WWOX: variants seen among roughly 807,000 people sequenced by gnomAD.
WWOX encodes WW domain containing oxidoreductase.
In WWOX, 69 loss-of-function variants were observed where a neutral mutation model predicts 46.2. The ratio of observed to expected loss-of-function variants is 1.49; its 90% CI spans 1.23 to 1.82. WWOX has a LOEUF of 1.82. WWOX is among the 40% of genes most tolerant of loss of function. The pLI is 0.00. For missense variants in WWOX, 919 were observed against 542.6 expected (o/e 1.69, Z -6.89); for synonymous variants, 359 against 202.6 (o/e 1.77, Z -6.56).
intron 8 of WWOX, among the ~76,000 whole-genome samples, chr16:78,669,703 T>C (rs1041744733): frequency 6.6e-6 from 1 of 152,184 alleles, no homozygotes; most frequent in South Asian, 2.1e-4. Context: ...TAAAAACTAG[T>C]TACAGTTCAT....
intron 8 of WWOX, among the ~76,000 whole-genome samples, chr16:78,623,751 A>G (rs902400664): frequency 1.4e-5 from 2 of 144,338 alleles, no homozygotes; most frequent in African/African-American, 2.6e-5. Flanking sequence ...AAAAAAAAAA[A>G]GTGTACTTTT....
intron 8 of WWOX, among the ~76,000 whole-genome samples, chr16:79,145,730 G>A (rs2050172073): frequency 6.6e-6 from 1 of 152,048 alleles, no homozygotes; most frequent in African/African-American, 2.4e-5. Context: ...AAAATTACTA[G>A]CAATGAAATA....
intron 5 of WWOX, among the ~76,000 whole-genome samples, chr16:78,293,843 T>TCA (rs1419846923): frequency 6.6e-6 from 1 of 151,544 alleles, no homozygotes; most frequent in Non-Finnish European, 1.5e-5. Flanking sequence ...AGGTGTGTTG[T>TCA]CACGTGACTT....
At chr16:78,444,718 G>C (rs1228489406) in intron 8 of WWOX, among the ~76,000 whole-genome samples, 1 of 151,974 alleles carries the variant, frequency 6.6e-6, no homozygotes, top group Admixed American at 6.6e-5. Context: ...TCTTAGTAGA[G>C]ACGAGGTTTC....
intron 5 of WWOX, among the ~76,000 whole-genome samples, chr16:78,169,387 C>A (rs1253207897): frequency 6.6e-6 from 1 of 151,960 alleles, no homozygotes; most frequent in East Asian, 2.0e-4. Flanking sequence ...TTCCTTTACC[C>A]AGTATCTATT....
At chr16:79,091,261 T>G (rs1272174607) in intron 8 of WWOX, among the ~76,000 whole-genome samples, 3 of 152,176 alleles carry the variant, frequency 2.0e-5, no homozygotes, top group Non-Finnish European at 4.4e-5. Context: ...TAAGTAGTAG[T>G]TGGGGCATTT....
chr16:78,852,993 G>A (rs950886803), intron 8 of WWOX, among the ~76,000 whole-genome samples: 2 of 152,174 alleles, frequency 1.3e-5, no homozygotes, highest in African/African-American at 4.8e-5. Flanking sequence ...CCCACCCAGT[G>A]TTGATTTGCC....
chr16:78,631,247 G>A (rs2151659226), intron 8 of WWOX, among the ~76,000 whole-genome samples: 1 of 152,202 alleles, frequency 6.6e-6, no homozygotes, highest in Admixed American at 6.5e-5. Context: ...GGTCAGTCGT[G>A]ACATCTCATC....
chr16:78,615,298 T>C (rs554264180), intron 8 of WWOX, among the ~76,000 whole-genome samples: 7 of 152,250 alleles, frequency 4.6e-5, no homozygotes, highest in African/African-American at 1.7e-4. Flanking sequence ...CCCTAGGAGT[T>C]GGGCTGCCTT....
chr16:78,229,203 C>T (rs9934165), intron 5 of WWOX, among the ~76,000 whole-genome samples: 2 of 150,574 alleles, frequency 1.3e-5, no homozygotes, highest in East Asian at 3.9e-4. Flanking sequence ...TCATAGTGTT[C>T]ATACTCAGAA....
chr16:78,795,626 C>G (rs112894437), intron 8 of WWOX, among the ~76,000 whole-genome samples: 6 of 152,328 alleles, frequency 3.9e-5, no homozygotes, highest in African/African-American at 1.2e-4. Context: ...TAATGGAACA[C>G]TCATGTATAA....
intron 8 of WWOX, among the ~76,000 whole-genome samples, chr16:78,663,151 A>G (rs1437642062): frequency 2.0e-5 from 3 of 152,180 alleles, no homozygotes; most frequent in African/African-American, 7.2e-5. Context: ...TTCAGCCAGC[A>G]TTCCCTATTT....
intron 8 of WWOX, among the ~76,000 whole-genome samples, chr16:79,129,502 T>G (rs1195434642): frequency 1.3e-5 from 2 of 151,308 alleles, no homozygotes; most frequent in Admixed American, 6.6e-5. Flanking sequence ...CTACATACAT[T>G]AGGTTTAAGC....
intron 8 of WWOX, among the ~76,000 whole-genome samples, chr16:79,023,906 A>G (rs899485160): frequency 1.3e-5 from 2 of 152,142 alleles, no homozygotes; most frequent in South Asian, 2.1e-4. Context: ...CAGTGAGACA[A>G]GATTGTGCCA....
chr16:78,604,989 C>T (rs1253241791), intron 8 of WWOX, among the ~76,000 whole-genome samples: 1 of 101,436 alleles, frequency 9.9e-6, no homozygotes, highest in Non-Finnish European at 1.9e-5. Flanking sequence ...TTCCTCCCTC[C>T]CTCACTCCCT....
intron 8 of WWOX, among the ~76,000 whole-genome samples, chr16:79,174,073 T>C (rs1220937260): frequency 1.3e-5 from 2 of 152,166 alleles, no homozygotes; most frequent in African/African-American, 4.8e-5. Flanking sequence ...GTCAGAATGT[T>C]TATTTGACCT....
chr16:78,578,066 A>T (rs149014356), intron 8 of WWOX, among the ~76,000 whole-genome samples: 1,761 of 151,750 alleles, frequency 0.012, 31 homozygotes, highest in Middle Eastern at 0.052. Context: ...TTTGGGGAAC[A>T]TCACTAGCCA....
At chr16:79,100,934 G>A (rs2049179487) in intron 8 of WWOX, among the ~76,000 whole-genome samples, 2 of 151,962 alleles carry the variant, frequency 1.3e-5, no homozygotes, top group South Asian at 4.2e-4. Context: ...TTCTCCATAG[G>A]GGTTAGGCGT....
At chr16:79,120,722 T>C (rs1466992249) in intron 8 of WWOX, among the ~76,000 whole-genome samples, 1 of 152,202 alleles carries the variant, frequency 6.6e-6, no homozygotes, top group African/African-American at 2.4e-5. Context: ...CCATGGTCAC[T>C]TGGACTTCCC....
Sources: allele counts gnomAD v4.1 joint callset (sites outside exome capture counted in the v4.1 genomes callset), GRCh38; gene constraint gnomAD v4.1.1; transcripts MANE v1.5; gene names NCBI Gene and HGNC (gene_info 2026-07-23, HGNC 2026-07-21).